ZNF207: variants seen among roughly 807,000 people sequenced by gnomAD.
ZNF207 encodes zinc finger protein 207.
ZNF207 carries 24 observed loss-of-function variants against 60.2 expected under a neutral mutation model. The observed-to-expected ratio is 0.40, with a 90% CI of 0.29 to 0.56. The LOEUF (loss-of-function observed/expected upper bound fraction) is 0.56, where lower values mean the gene tolerates loss of function less well. Ranked by LOEUF, ZNF207 falls within the 20% of genes least tolerant of loss-of-function variation. The probability of loss-of-function intolerance (pLI) is 0.49; values close to 1 mark genes in which losing one functional copy is unlikely to be tolerated. For synonymous variants in ZNF207, 236 were observed against 194.7 expected (o/e 1.21, Z -1.77); for missense variants, 452 against 636.6 (o/e 0.71, Z 3.12).
At chr17:32,351,651 TA>T in intron 1 of ZNF207, 134 bp from the exon 2 acceptor site, 1 of 1,569,364 alleles carries the variant, frequency 6.4e-7, no homozygotes, top group Non-Finnish European at 8.6e-7. Flanking sequence ...AATTGTGTAA[TA>T]AATATAAAAA....
intron 2 of ZNF207, among the ~76,000 whole-genome samples, chr17:32,357,181 T>TA (rs78618463): frequency 0.018 from 2,580 of 141,624 alleles, 102 homozygotes; most frequent in African/African-American, 0.063. Context: ...GACCCTGTCT[T>TA]AAAAAAAAAA....
Position 32,369,870 on chromosome 17 carries a change from T to C in ZNF207, c.*111T>C. The C allele has an allele frequency of 8.6e-7, 1 of 1,161,292 alleles. No homozygotes were observed. Among genetic ancestry groups the C allele is most frequent in the Non-Finnish European group, 1.1e-6 (1 of 890,554 alleles). The allele number at this position is 1,161,292 out of a possible 1,614,324, so 71.9% of individuals were successfully genotyped here. A position where few individuals can be genotyped will look rare whatever the true frequency, so the allele number is the denominator to read the frequency against. Reference sequence around the variant, plus strand: ...GCTTCATTGTGACTTTAACAAACATTATCTTCCCACATACCAGGAACTATT... The same window carrying C: ...GCTTCATTGTGACTTTAACAAACATCATCTTCCCACATACCAGGAACTATT... On this transcript the variant is annotated 3_prime_UTR_variant, in exon 12 of 12. Coordinates refer to ENST00000394670, the MANE Select transcript of ZNF207 (RefSeq NM_001098507.2).
chr17:32,367,267 A>ATGTG (rs1567824962), intron 9 of ZNF207, among the ~76,000 whole-genome samples: 1 of 117,848 alleles, frequency 8.5e-6, no homozygotes, highest in African/African-American at 3.4e-5. Flanking sequence ...ATATATATAT[A>ATGTG]TATATATATA....
At chr17:32,353,836 A>AT (rs35528546) in intron 2 of ZNF207, among the ~76,000 whole-genome samples, 3 of 147,898 alleles carry the variant, frequency 2.0e-5, no homozygotes, top group Admixed American at 6.8e-5. Context: ...AAAAAAAAAA[A>AT]TTGTTAGAGA....
chr17:32,373,308 T>C lies in ZNF207; in HGVS notation c.*3549T>C. 3.3e-6 allele frequency: 2 copies of C among 613,270 alleles called. No individual in the cohort carries two copies. The highest frequency in any genetic ancestry group is 1.9e-5 in the South Asian group (1 of 51,836). 38.0% of individuals were successfully genotyped at this position (613,270 alleles called of 1,614,324 possible). ...GCTGCTCCTTTTGCTTGCTTGATCATTGGGATTTTTAAAAAAAAAAATTTT... is the reference window on the plus strand; with the variant it reads ...GCTGCTCCTTTTGCTTGCTTGATCACTGGGATTTTTAAAAAAAAAAATTTT... On this transcript the variant is annotated 3_prime_UTR_variant, in exon 12 of 12. Transcript: ENST00000394670.
rs1905714859 is a variant in ZNF207 at position 32,377,418 on chromosome 17, A to G, written c.*7659A>G. The G allele has an allele frequency of 6.6e-6, 1 of 152,040 alleles. No individual in the cohort carries two copies. Among genetic ancestry groups the G allele is most frequent in the Admixed American group, 6.5e-5 (1 of 15,272 alleles). 9.4% of individuals were successfully genotyped at this position (152,040 alleles called of 1,614,324 possible). Reference sequence around the variant, plus strand: ...ACTGTAAGTCTGAGTTAGAAAAAATACAGAGCATCTAGTTATTGAGCAAAG... The same window carrying G: ...ACTGTAAGTCTGAGTTAGAAAAAATGCAGAGCATCTAGTTATTGAGCAAAG... On this transcript the variant is annotated 3_prime_UTR_variant, in exon 12 of 12. Coordinates refer to ENST00000394670, the MANE Select transcript of ZNF207 (RefSeq NM_001098507.2).
rs2150805917 is a variant in ZNF207, at chr17:32,372,538, A to G, written c.*2779A>G. ...AAAATGGAACTTTTAAATATGGGAT[A>G]GAATTCTAATTAAAAATTAATTGAA... On this transcript the variant is annotated 3_prime_UTR_variant, in exon 12 of 12. Coordinates refer to ENST00000394670, the MANE Select transcript of ZNF207 (RefSeq NM_001098507.2). 6.6e-6 allele frequency: 1 copy of G among 152,336 alleles called. No individual in the cohort carries two copies. Among genetic ancestry groups the G allele is most frequent in the South Asian group, 2.1e-4 (1 of 4,830 alleles). 9.4% of individuals were successfully genotyped at this position (152,336 alleles called of 1,614,324 possible). A position where few individuals can be genotyped will look rare whatever the true frequency, so the allele number is the denominator to read the frequency against.
chr17:32,355,625 C>A (rs1041968115), intron 2 of ZNF207, among the ~76,000 whole-genome samples: 3 of 152,074 alleles, frequency 2.0e-5, no homozygotes, highest in Non-Finnish European at 4.4e-5. Flanking sequence ...TAGTTTAAGC[C>A]GCGCTACCAG....
chr17:32,360,203 A>G (rs985444425), intron 3 of ZNF207, among the ~76,000 whole-genome samples: 6 of 135,410 alleles, frequency 4.4e-5, no homozygotes, highest in African/African-American at 1.4e-4. Context: ...AAAAAAAAAA[A>G]GCCCAGTGTG....
chr17:32,358,418 T>C (rs917994464), intron 2 of ZNF207, 85 bp from the exon 3 acceptor site: 3 of 1,364,864 alleles, frequency 2.2e-6, no homozygotes, highest in African/African-American at 3.1e-5. Context: ...CTATAGAACA[T>C]TTATTCTTTA....
chr17:32,358,747 G>T lies in ZNF207; in HGVS notation c.307+106G>T, dbSNP rs1281198790. ...AGCCGAGGCTGGAGTACAGTGGTGTGATCTGGGCTCTCTGCATCTTCTGCC... is the reference window on the plus strand; with the variant it reads ...AGCCGAGGCTGGAGTACAGTGGTGTTATCTGGGCTCTCTGCATCTTCTGCC... On this transcript the variant is annotated intron_variant, in intron 3 of 11. Coordinates refer to ENST00000394670, the MANE Select transcript of ZNF207 (RefSeq NM_001098507.2). 5.7e-6 allele frequency: 5 copies of T among 880,030 alleles called. No individual in the cohort carries two copies. In the Admixed American group the frequency reaches 2.1e-4, roughly 38 times the overall value. The allele number at this position is 880,030 out of a possible 1,614,324, so 54.5% of individuals were successfully genotyped here. A position where few individuals can be genotyped will look rare whatever the true frequency, so the allele number is the denominator to read the frequency against.
At chr17:32,369,199 AT>A in intron 10 of ZNF207, 95 bp from the exon 11 acceptor site, 1 of 1,423,482 alleles carries the variant, frequency 7.0e-7, no homozygotes, top group South Asian at 1.5e-5. Context: ...ATTTTTGAAA[AT>A]TACTCTTAAC....
chr17:32,369,027 C>A, intron 10 of ZNF207: 1 of 358,940 alleles, frequency 2.8e-6, no homozygotes, highest in Non-Finnish European at 5.1e-6. Flanking sequence ...ATGTTAATAA[C>A]AATACTTCAT....
At chr17:32,350,568 A>G (rs1440950308) in intron 1 of ZNF207, among the ~76,000 whole-genome samples, 3 of 151,996 alleles carry the variant, frequency 2.0e-5, no homozygotes, top group African/African-American at 7.2e-5. Flanking sequence ...TTCGGTGCGA[A>G]TTTTGGACTC....
Position 32,360,925 on chromosome 17 carries a change from T to A in ZNF207, c.509T>A (p.Leu170Gln). The change falls in exon 5 of 12, where the codon CTG (leucine) becomes CAG (glutamine). Residue 170 changes from leucine to glutamine, a missense_variant. By Grantham distance (113) the Leu-to-Gln change is moderately radical. Around this residue, in one of 2 missense-constraint regions of ZNF207, gnomAD observed 390 missense variants for 461.4 expected, o/e 0.85. Coordinates refer to ENST00000394670, the MANE Select transcript of ZNF207 (RefSeq NM_001098507.2). ...IPPLMPGVPP[L>Q]MPGMPPVMPG... ...CCATTAATGCCAGGTGTTCCTCCTC[T>A]GATGCCAGGAATGCCACCAGTTATG... 6.2e-7 allele frequency: 1 copy of A among 1,613,958 alleles called. No homozygotes were observed.
rs115261204 is a variant in ZNF207 at position 32,359,487 on chromosome 17, A to G, written c.307+846A>G. Among the ~76,000 whole-genome samples, 762 of 152,244 alleles carry G rather than the reference A, an allele frequency of 5.0e-3. 5 individuals are homozygous for G. Among genetic ancestry groups the G allele is most frequent in the African/African-American group, 0.016 (685 of 41,562 alleles). ...GGTCTCAAACTCCTGACCTCAAGCA[A>G]TCTACCTGCTGAGGCCTCCCTAAGT... On this transcript the variant is annotated intron_variant, in intron 3 of 11. Transcript: ENST00000394670.
chr17:32,367,585 A>G (rs566489184), intron 9 of ZNF207, among the ~76,000 whole-genome samples, 187 bp from the exon 10 acceptor site: 7 of 152,126 alleles, frequency 4.6e-5, no homozygotes, highest in East Asian at 1.9e-4. Flanking sequence ...ACTTTAACCT[A>G]GCATCTTTTG....
chr17:32,367,595 G>C (rs1351456439), intron 9 of ZNF207, among the ~76,000 whole-genome samples, 177 bp from the exon 10 acceptor site: 1 of 151,776 alleles, frequency 6.6e-6, no homozygotes, highest in East Asian at 1.9e-4. Flanking sequence ...AGCATCTTTT[G>C]ATATTTTTAT....
In ZNF207 at chr17:32,350,210, G is replaced by C. The variant is rs2041475836; in HGVS notation, c.-76G>C. The C allele has an allele frequency of 3.1e-6, 5 of 1,604,962 alleles. No individual in the cohort carries two copies. Among genetic ancestry groups the C allele is most frequent in the East Asian group, 2.2e-5 (1 of 44,784 alleles). ...GGACGTGGTGGTAGCCGTTGGGTTG[G>C]GAAAGTGAGGGATTTTTGGCCTCGT... On this transcript the variant is annotated 5_prime_UTR_variant, in exon 1 of 12. Coordinates refer to ENST00000394670, the MANE Select transcript of ZNF207 (RefSeq NM_001098507.2).
Sources: gnomAD v4.1 joint callset for allele counts (sites outside exome capture counted in the v4.1 genomes callset) on GRCh38, gnomAD v4.1.1 for gene constraint, gnomAD v4.1.1 regional missense constraint, MANE v1.5 for transcripts, NCBI Gene and HGNC (gene_info 2026-07-23, HGNC 2026-07-21) for gene names.